TRIM71: variants seen among roughly 807,000 people sequenced by gnomAD.
The protein encoded by TRIM71 is tripartite motif containing 71.
A neutral mutation model predicts 61.2 loss-of-function variants in TRIM71; 9 were observed. The observed-to-expected ratio is 0.15, with a 90% CI of 0.09 to 0.26. The LOEUF (loss-of-function observed/expected upper bound fraction) is 0.26, where lower values mean the gene tolerates loss of function less well. Among genes scored for constraint, TRIM71 ranks in the 10% least tolerant of loss-of-function variants. TRIM71 has a pLI of 1.00. For missense variants in TRIM71, 998 were observed against 1,238.7 expected, an observed-to-expected ratio of 0.81 and a Z score of 2.92; for synonymous variants, 645 against 553.2, an observed-to-expected ratio of 1.17 and a Z score of -2.33.
intron 1 of TRIM71, among the ~76,000 whole-genome samples, chr3:32,868,299 C>T (rs1271293243): frequency 1.3e-5 from 2 of 152,180 alleles, no homozygotes; most frequent in Non-Finnish European, 2.9e-5. Flanking sequence ...TTCGGGAATT[C>T]TTACTATCCA....
intron 2 of TRIM71, among the ~76,000 whole-genome samples, 161 bp from the exon 3 acceptor site, chr3:32,885,773 G>C (rs980036113): frequency 2.6e-5 from 4 of 152,222 alleles, no homozygotes; most frequent in African/African-American, 9.6e-5. Flanking sequence ...ACAGATGCCA[G>C]TCTCTCCCTA....
At chr3:32,856,614 C>T (rs1696607301) in intron 1 of TRIM71, among the ~76,000 whole-genome samples, 1 of 152,274 alleles carries the variant, frequency 6.6e-6, no homozygotes, top group African/African-American at 2.4e-5. Context: ...GAGTCACTGG[C>T]CTCCTGCAGA....
At chr3:32,889,796 G>A (rs1241440953) in intron 3 of TRIM71, among the ~76,000 whole-genome samples, 1 of 151,944 alleles carries the variant, frequency 6.6e-6, no homozygotes, top group Non-Finnish European at 1.5e-5. Context: ...TTGCCATGTT[G>A]GCCAGACTGG....
intron 1 of TRIM71, among the ~76,000 whole-genome samples, chr3:32,837,344 T>C (rs1696345943): frequency 6.6e-6 from 1 of 152,178 alleles, no homozygotes; most frequent in Non-Finnish European, 1.5e-5. Flanking sequence ...GAAAGTTCCT[T>C]TACTGTGTGG....
intron 2 of TRIM71, among the ~76,000 whole-genome samples, chr3:32,876,162 G>A (rs1028841188): frequency 1.3e-5 from 2 of 152,234 alleles, no homozygotes; most frequent in Admixed American, 6.5e-5. Context: ...CTGTCCCTGC[G>A]GATGAAGTGG....
intron 1 of TRIM71, among the ~76,000 whole-genome samples, chr3:32,829,639 T>TGTGTGTGTGTGTGTGTGTTTGTGTGTGC: frequency 1.3e-5 from 2 of 151,610 alleles, no homozygotes; most frequent in African/African-American, 4.8e-5. Context: ...TGTGTGTGTG[T>TGTGTGTGTGTGTGTGTGTTTGTGTGTGC]GTGTGTGTGT....
Position 32,818,210 on chromosome 3 carries a change from G to C in TRIM71, c.130G>C (p.Gly44Arg), listed in dbSNP as rs1413171720. 1 of 1,556,378 alleles carries C rather than the reference G, an allele frequency of 6.4e-7. No individual in the cohort carries two copies. The highest frequency in any genetic ancestry group is 8.6e-7 in the Non-Finnish European group (1 of 1,157,286). The change falls in exon 1 of 4, where the codon GGC becomes CGC. Residue 44 changes from glycine to arginine, a missense_variant. Gly to Arg is a moderately radical substitution (Grantham distance 125). Around this residue, in one of 5 missense-constraint regions of TRIM71, gnomAD observed 527 missense variants for 427.8 expected, o/e 1.23. Transcript: ENST00000383763. ...CTCGCAGACGTCCACGTCGTCGGGGGGCGGCGGCGGGGGCCCTGGGGCGGC... is the reference window on the plus strand; with the variant it reads ...CTCGCAGACGTCCACGTCGTCGGGGCGCGGCGGCGGGGGCCCTGGGGCGGC... ...SSSQTSTSSG[G>R]GGGGPGAAAR... is the part of the protein sequence containing the mutation.
At chr3:32,840,604 A>C (rs1696392719) in intron 1 of TRIM71, among the ~76,000 whole-genome samples, 1 of 152,168 alleles carries the variant, frequency 6.6e-6, no homozygotes, top group Non-Finnish European at 1.5e-5. Flanking sequence ...CAGGGCATGC[A>C]GTGGGGGTAG....
rs995814336 is a variant in TRIM71, at chr3:32,893,863, A to T, written c.*2052A>T. On this transcript the variant is annotated 3_prime_UTR_variant, in exon 4 of 4. Coordinates refer to ENST00000383763, the MANE Select transcript of TRIM71 (RefSeq NM_001039111.3). ...CTGAGTGACCAAAATGGGAAGGAAA[A>T]AAAAAACCTCATCTCACAGAGGAGA... 5.9e-5 allele frequency: 9 copies of T among 152,128 alleles called. No homozygotes were observed. The highest frequency in any genetic ancestry group is 2.2e-4 in the African/African-American group (9 of 41,438). 9.4% of individuals were successfully genotyped at this position (152,128 alleles called of 1,614,324 possible). A position where few individuals can be genotyped will look rare whatever the true frequency, so the allele number is the denominator to read the frequency against.
intron 2 of TRIM71, among the ~76,000 whole-genome samples, chr3:32,875,456 C>G (rs1392756012): frequency 6.6e-6 from 1 of 152,168 alleles, no homozygotes; most frequent in Non-Finnish European, 1.5e-5. Context: ...AAAAGTTGTT[C>G]ACCCTCTAGG....
At chr3:32,863,195 CTTTTTTTTT>C (rs11348995) in intron 1 of TRIM71, among the ~76,000 whole-genome samples, 58 of 53,752 alleles carry the variant, frequency 1.1e-3, no homozygotes, top group African/African-American at 3.2e-3. Context: ...TTAATTGAAC[CTTTTTTTTT>C]TTTTTTTTTT....
chr3:32,860,459 C>G (rs775619365), intron 1 of TRIM71, among the ~76,000 whole-genome samples: 11 of 152,124 alleles, frequency 7.2e-5, no homozygotes, highest in South Asian at 2.1e-4. Context: ...CCTGACCCCT[C>G]ACACCTTTCT....
chr3:32,845,904 A>G (rs1189631926), intron 1 of TRIM71, among the ~76,000 whole-genome samples: 1 of 151,186 alleles, frequency 6.6e-6, no homozygotes, highest in Non-Finnish European at 1.5e-5. Context: ...TATTTTTAGT[A>G]GAGACAGGGT....
intron 3 of TRIM71, among the ~76,000 whole-genome samples, chr3:32,889,648 G>A (rs1697001742): frequency 6.6e-6 from 1 of 150,794 alleles, no homozygotes. Flanking sequence ...GAGTGCAATG[G>A]TGTGATCTCT....
In TRIM71 at chr3:32,852,634, G is replaced by A. The variant is rs578112530; in HGVS notation, c.853-21184G>A. On this transcript the variant is annotated intron_variant, in intron 1 of 3. Transcript: ENST00000383763. ...CCATTGAGGGTTCTTGAGTTTGGAA[G>A]TAATGAAAAAAAGAAAGCAGCTGAA... Among the ~76,000 whole-genome samples the A allele has an allele frequency of 1.5e-3, 230 of 152,098 alleles. 1 individual carries two copies. The highest frequency in any genetic ancestry group is 5.3e-3 in the African/African-American group (221 of 41,508).
At chr3:32,841,619 C>A (rs1323793267) in intron 1 of TRIM71, among the ~76,000 whole-genome samples, 1 of 152,096 alleles carries the variant, frequency 6.6e-6, no homozygotes, top group Non-Finnish European at 1.5e-5. Flanking sequence ...CCACCGCCAA[C>A]CCCCACCCCC....
At chr3:32,885,860 G>A (rs1185346668) in intron 2 of TRIM71, 74 bp from the exon 3 acceptor site, 1 of 1,540,364 alleles carries the variant, frequency 6.5e-7, no homozygotes, top group African/African-American at 1.4e-5. Flanking sequence ...GTCTGACAGA[G>A]CAGATTCAAA....
chr3:32,865,812 CACCTTTT>C (rs1559546345), intron 1 of TRIM71, among the ~76,000 whole-genome samples: 3 of 45,166 alleles, frequency 6.6e-5, no homozygotes, highest in Admixed American at 3.3e-4. Flanking sequence ...CCCCCCGCCC[CACCTTTT>C]TTTTTTTTTT....
intron 1 of TRIM71, among the ~76,000 whole-genome samples, chr3:32,844,099 C>A (rs1293237589): frequency 6.6e-6 from 1 of 152,254 alleles, no homozygotes; most frequent in South Asian, 2.1e-4. Context: ...TTTCTCGCGT[C>A]GTCGTTATTT....
Sources: gnomAD v4.1 joint callset for allele counts (sites outside exome capture counted in the v4.1 genomes callset) on GRCh38, gnomAD v4.1.1 for gene constraint, gnomAD v4.1.1 regional missense constraint, MANE v1.5 for transcripts, NCBI Gene and HGNC (gene_info 2026-07-23, HGNC 2026-07-21) for gene names.